Variants in MAN2A1 observed in about 807,000 individuals in gnomAD.
MAN2A1 encodes the protein mannosidase alpha class 2A member 1.
Under a neutral mutation model 142.6 loss-of-function variants are expected in MAN2A1, and 76 were observed. The ratio of observed to expected loss-of-function variants is 0.53; its 90% CI spans 0.44 to 0.65. The LOEUF (loss-of-function observed/expected upper bound fraction) is 0.65. Ranked by LOEUF, MAN2A1 falls within the 30% of genes least tolerant of loss-of-function variation. The pLI, the probability that MAN2A1 is intolerant of heterozygous loss-of-function variation, is 0.00. For missense variants in MAN2A1, 1,311 were observed against 1,365.1 expected, an observed-to-expected ratio of 0.96 and a Z score of 0.62; for synonymous variants, 559 against 473.2, an observed-to-expected ratio of 1.18 and a Z score of -2.35.
Position 109,770,410 on chromosome 5 carries a change from C to T in MAN2A1, c.1065C>T (p.Asp355=), listed in dbSNP as rs775578678. The change falls in exon 7 of 22, where the codon GAC becomes GAT. Residue 355 remains aspartate, a synonymous_variant. Transcript: ENST00000261483. ...ACATGATGCCCTTCTACAGCTATGA[C>T]ATCCCTCACACTTGTGGACCTGATC... is the stretch of plus-strand genomic sequence containing the variant. ...LCHMMPFYSY[D]IPHTCGPDPK... The T allele has an allele frequency of 6.2e-7, 1 of 1,614,024 alleles. No homozygotes were observed. The highest frequency in any genetic ancestry group is 1.1e-5 in the South Asian group (1 of 91,080).
intron 3 of MAN2A1, among the ~76,000 whole-genome samples, chr5:109,720,731 G>GT (rs1397657374): frequency 2.0e-5 from 3 of 152,180 alleles, no homozygotes; most frequent in Non-Finnish European, 4.4e-5. Context: ...AGAAATTCAT[G>GT]TTGAGATGCA....
intron 18 of MAN2A1, among the ~76,000 whole-genome samples, chr5:109,847,059 A>G (rs1755361995): frequency 6.6e-6 from 1 of 152,130 alleles, no homozygotes; most frequent in South Asian, 2.1e-4. Flanking sequence ...AAGTTGTTCA[A>G]TCTGTAAAAT....
intron 7 of MAN2A1, 28 bp downstream of exon 7, chr5:109,770,569 A>G: frequency 2.5e-6 from 4 of 1,600,988 alleles, no homozygotes; most frequent in Non-Finnish European, 3.4e-6. Context: ...TCATAAGACA[A>G]CATCTTGAAT....
At chr5:109,754,447 T>G (rs1275529954) in intron 4 of MAN2A1, among the ~76,000 whole-genome samples, 2 of 152,188 alleles carry the variant, frequency 1.3e-5, no homozygotes, top group Non-Finnish European at 2.9e-5. Flanking sequence ...ATATTTCAAC[T>G]GAATCTGGGG....
intron 4 of MAN2A1, among the ~76,000 whole-genome samples, chr5:109,736,736 C>T (rs1176163984): frequency 3.3e-5 from 5 of 152,052 alleles, no homozygotes; most frequent in Middle Eastern, 6.8e-3. Flanking sequence ...TTTTTGCCCA[C>T]CTTACCCTCC....
At chr5:109,843,299 G>T (rs910634480) in intron 17 of MAN2A1, among the ~76,000 whole-genome samples, 3 of 152,058 alleles carry the variant, frequency 2.0e-5, no homozygotes, top group Non-Finnish European at 1.5e-5. Flanking sequence ...AAAGCCCAGG[G>T]GAACTGCCAT....
chr5:109,815,450 A>G (rs1466705889), intron 12 of MAN2A1, among the ~76,000 whole-genome samples: 1 of 152,174 alleles, frequency 6.6e-6, no homozygotes, highest in Admixed American at 6.5e-5. Context: ...TCTTGTATAC[A>G]TATGGAATCT....
chr5:109,794,391 C>G (rs1753809579), intron 12 of MAN2A1, among the ~76,000 whole-genome samples: 1 of 152,040 alleles, frequency 6.6e-6, no homozygotes. Flanking sequence ...TTGACACGTA[C>G]TAGAAAACTA....
Position 109,781,398 on chromosome 5 carries a change from A to G in MAN2A1, c.1377A>G (p.Ile459Met), listed in dbSNP as rs201719523. ...GAAGTGCATTTTTTTAAAACTAGAT[A>G]CAGTTTGGAACTTTATCAGATTTTT... ...MNSQSKFKVKIQFGTLSDFFD... is the reference protein window; with the variant it reads ...MNSQSKFKVKMQFGTLSDFFD... Residue 459 changes from isoleucine to methionine, a missense_variant and splice_region_variant, in exon 9 of 22, where the codon ATA (isoleucine) becomes ATG (methionine). Physicochemically the swap from Ile to Met is conservative, Grantham distance 10. Around this residue, in one of 3 missense-constraint regions of MAN2A1, gnomAD observed 890 missense variants for 920.5 expected, o/e 0.97. Coordinates refer to ENST00000261483, the MANE Select transcript of MAN2A1 (RefSeq NM_002372.4). 3 of 1,588,664 alleles carry G rather than the reference A, an allele frequency of 1.9e-6. No individual in the cohort carries two copies. Among genetic ancestry groups the G allele is most frequent in the East Asian group, 4.5e-5 (2 of 44,398 alleles).
chr5:109,793,482 A>G (rs1451757962), intron 12 of MAN2A1, among the ~76,000 whole-genome samples: 2 of 152,130 alleles, frequency 1.3e-5, no homozygotes, highest in African/African-American at 2.4e-5. Context: ...CCAGATATGC[A>G]TAGAAGAACA....
chr5:109,717,429 T>G (rs1751486752), intron 3 of MAN2A1, among the ~76,000 whole-genome samples: 1 of 152,168 alleles, frequency 6.6e-6, no homozygotes, highest in Non-Finnish European at 1.5e-5. Context: ...CAGTGCAATA[T>G]TTAGTGTGCA....
At chr5:109,728,942 T>C (rs1286089766) in intron 3 of MAN2A1, among the ~76,000 whole-genome samples, 2 of 152,148 alleles carry the variant, frequency 1.3e-5, no homozygotes, top group East Asian at 3.9e-4. Flanking sequence ...AGGATAAAAT[T>C]TGGATCCCCT....
At chr5:109,807,401 A>G (rs1754194319) in intron 12 of MAN2A1, among the ~76,000 whole-genome samples, 1 of 152,182 alleles carries the variant, frequency 6.6e-6, no homozygotes, top group Non-Finnish European at 1.5e-5. Context: ...AATACACACA[A>G]ATTTATTATC....
chr5:109,761,722 C>A (rs1387111620), intron 5 of MAN2A1, among the ~76,000 whole-genome samples: 1 of 151,798 alleles, frequency 6.6e-6, no homozygotes, highest in Non-Finnish European at 1.5e-5. Context: ...CCTTGTATTA[C>A]GTGACAGCTT....
chr5:109,752,920 G>A (rs2010665), intron 4 of MAN2A1, among the ~76,000 whole-genome samples: 60,955 of 151,954 alleles, frequency 0.4, 13,299 homozygotes, highest in African/African-American at 0.59. Context: ...TTGGCTGGTT[G>A]ACTTTCTTGA....
chr5:109,792,238 T>C lies in MAN2A1; in HGVS notation c.1943+2711T>C, dbSNP rs80302963. Among the ~76,000 whole-genome samples, 1,172 of 152,250 alleles carry C rather than the reference T, an allele frequency of 7.7e-3. 20 individuals are homozygous for C. Among genetic ancestry groups the C allele is most frequent in the African/African-American group, 0.026 (1,093 of 41,566 alleles). ...AAAAGTATTGTTATCTTTTTAGTTA[T>C]CTAGGTTCTGAAATCCCAGAACCTA... On this transcript the variant is annotated intron_variant, in intron 12 of 21. Transcript: ENST00000261483.
intron 12 of MAN2A1, among the ~76,000 whole-genome samples, chr5:109,791,246 C>T (rs1419050715): frequency 1.3e-5 from 2 of 151,824 alleles, no homozygotes; most frequent in Non-Finnish European, 2.9e-5. Flanking sequence ...TTCTGATTGG[C>T]AGATTCTTAT....
At chr5:109,849,867 G>GCATTGC (rs1289044028) in intron 19 of MAN2A1, among the ~76,000 whole-genome samples, 2 of 152,230 alleles carry the variant, frequency 1.3e-5, no homozygotes, top group Admixed American at 1.3e-4. Flanking sequence ...ATTGGCATTG[G>GCATTGC]CATGCCTTTT....
At chr5:109,777,127 CCATTGAGTATGCA>C (rs1357002810) in intron 8 of MAN2A1, among the ~76,000 whole-genome samples, 1 of 151,968 alleles carries the variant, frequency 6.6e-6, no homozygotes, top group African/African-American at 2.4e-5. Flanking sequence ...AATTTTTTGG[CCATTGAGTATGCA>C]CATGTTCAGC....
Sources: allele counts gnomAD v4.1 joint callset (sites outside exome capture counted in the v4.1 genomes callset), GRCh38; gene constraint gnomAD v4.1.1; regional missense constraint gnomAD v4.1.1; transcripts MANE v1.5; gene names NCBI Gene and HGNC (gene_info 2026-07-23, HGNC 2026-07-21).